Variants in MKLN1 observed in about 807,000 individuals in gnomAD.
MKLN1 encodes muskelin 1.
In MKLN1, 18 loss-of-function variants were observed where a neutral mutation model predicts 99.0. That is an observed-to-expected ratio of 0.18 (90% CI 0.13 to 0.27). The LOEUF (loss-of-function observed/expected upper bound fraction) is 0.27, where lower values mean the gene tolerates loss of function less well. Among genes scored for constraint, MKLN1 ranks in the 10% least tolerant of loss-of-function variants. The probability of loss-of-function intolerance (pLI) is 1.00; values close to 1 mark genes in which losing one functional copy is unlikely to be tolerated. For synonymous variants in MKLN1, 288 were observed against 293.2 expected (o/e 0.98, Z 0.18); for missense variants, 621 against 875.9 (o/e 0.71, Z 3.67).
intron 2 of MKLN1, among the ~76,000 whole-genome samples, chr7:131,379,661 A>G (rs949290038): frequency 3.3e-5 from 5 of 152,222 alleles, no homozygotes; most frequent in Non-Finnish European, 7.3e-5. Flanking sequence ...CAATAGGCTG[A>G]CTGTAGTCAA....
intron 1 of MKLN1, among the ~76,000 whole-genome samples, chr7:131,136,652 C>T (rs998270863): frequency 6.6e-6 from 1 of 152,282 alleles, no homozygotes; most frequent in Middle Eastern, 3.4e-3. Flanking sequence ...TTGGGGATGT[C>T]CAGGGCCCAG....
intron 2 of MKLN1, among the ~76,000 whole-genome samples, chr7:131,170,872 T>G (rs567210768): frequency 6.6e-6 from 1 of 152,334 alleles, no homozygotes; most frequent in South Asian, 2.1e-4. Context: ...TAGTACATTT[T>G]AATTTTTCCC....
intron 3 of MKLN1, among the ~76,000 whole-genome samples, chr7:131,292,109 A>G (rs1464772481): frequency 6.6e-6 from 1 of 152,182 alleles, no homozygotes; most frequent in Non-Finnish European, 1.5e-5. Flanking sequence ...CCTGTCTCTA[A>G]AATAAGAATA....
intron 5 of MKLN1, among the ~76,000 whole-genome samples, chr7:131,398,234 G>A (rs1242704519): frequency 6.6e-6 from 1 of 152,138 alleles, no homozygotes; most frequent in African/African-American, 2.4e-5. Flanking sequence ...ACATATTCCT[G>A]AAGTTGAGAT....
At chr7:131,137,777 G>T (rs1177005847) in intron 1 of MKLN1, among the ~76,000 whole-genome samples, 1 of 151,998 alleles carries the variant, frequency 6.6e-6, no homozygotes, top group African/African-American at 2.4e-5. Flanking sequence ...GTTTCACCAT[G>T]TTGGCCAGGC....
intron 7 of MKLN1, among the ~76,000 whole-genome samples, chr7:131,412,805 G>A (rs953749605): frequency 6.6e-6 from 1 of 152,048 alleles, no homozygotes; most frequent in Non-Finnish European, 1.5e-5. Context: ...TTTTCATTGT[G>A]GTCTTCATAT....
intron 1 of MKLN1, among the ~76,000 whole-genome samples, chr7:131,129,295 T>A (rs1795513525): frequency 1.3e-5 from 2 of 152,186 alleles, no homozygotes; most frequent in Admixed American, 1.3e-4. Context: ...TGAGAGCAAT[T>A]TGGTATTGTG....
At chr7:131,403,552 C>G (rs543919457) in intron 6 of MKLN1, among the ~76,000 whole-genome samples, 2 of 152,296 alleles carry the variant, frequency 1.3e-5, no homozygotes, top group South Asian at 4.1e-4. Flanking sequence ...CCTATCTTGG[C>G]CTTTGACATG....
Position 131,374,193 on chromosome 7 carries a change from T to C in MKLN1, c.99-1231T>C, listed in dbSNP as rs1407466488. On this transcript the variant is annotated intron_variant, in intron 1 of 17. Coordinates refer to ENST00000352689, the MANE Select transcript of MKLN1 (RefSeq NM_013255.5). ...GGTTAATCTTCTGTATTCCCTTACCTGGCTCTGGAATCAGCCATTTCTCCA... is the reference window on the plus strand; with the variant it reads ...GGTTAATCTTCTGTATTCCCTTACCCGGCTCTGGAATCAGCCATTTCTCCA... Among the ~76,000 whole-genome samples, 3 of 152,290 alleles carry C rather than the reference T, an allele frequency of 2.0e-5. No individual in the cohort carries two copies. The South Asian group carries it at 6.2e-4, about 32-fold the overall frequency.
intron 8 of MKLN1, among the ~76,000 whole-genome samples, chr7:131,422,479 A>G (rs537897068): frequency 6.6e-6 from 1 of 152,314 alleles, no homozygotes; most frequent in East Asian, 1.9e-4. Flanking sequence ...GCTTGAGCCC[A>G]GAAGTTCGAG....
At chr7:131,310,137 A>G (rs1798540198) in intron 3 of MKLN1, 1 of 152,216 alleles carries the variant, frequency 6.6e-6, no homozygotes, top group African/African-American at 2.4e-5. Context: ...GCTATAGGAT[A>G]TGGGTTATAA....
At chr7:131,385,696 A>G (rs1376271834) in intron 2 of MKLN1, among the ~76,000 whole-genome samples, 1 of 151,978 alleles carries the variant, frequency 6.6e-6, no homozygotes, top group Non-Finnish European at 1.5e-5. Flanking sequence ...CAGGTCCTTT[A>G]TCTGTTTTTA....
intron 9 of MKLN1, among the ~76,000 whole-genome samples, chr7:131,432,536 C>T (rs1276679756): frequency 6.6e-6 from 1 of 152,154 alleles, no homozygotes; most frequent in African/African-American, 2.4e-5. Flanking sequence ...AAACCTCCGC[C>T]TCCCGGGTTC....
intron 3 of MKLN1, among the ~76,000 whole-genome samples, chr7:131,270,564 T>C (rs911474652): frequency 2.0e-5 from 3 of 152,236 alleles, no homozygotes; most frequent in Non-Finnish European, 4.4e-5. Context: ...TTTCCTATTA[T>C]AATCCAAGTT....
At chr7:131,479,997 G>C (rs1055793951) in intron 17 of MKLN1, among the ~76,000 whole-genome samples, 2 of 149,132 alleles carry the variant, frequency 1.3e-5, no homozygotes, top group Admixed American at 6.6e-5. Flanking sequence ...CTCCAGCCTG[G>C]GCGACAGAGG....
At chr7:131,474,618 A>G (rs1689205619) in intron 16 of MKLN1, among the ~76,000 whole-genome samples, 1 of 152,248 alleles carries the variant, frequency 6.6e-6, no homozygotes, top group African/African-American at 2.4e-5. Context: ...GAGTTAGAAA[A>G]GAGGAACAAA....
Position 131,202,605 on chromosome 7 carries a change from T to G in MKLN1, c.-296-252T>G, listed in dbSNP as rs1351911176. 2.6e-5 allele frequency among the ~76,000 whole-genome samples: 4 copies of G among 152,140 alleles called. No homozygotes were observed. The East Asian group carries it at 7.7e-4, about 29-fold the overall frequency. ...GGGGACTGTCCTGGGCATTATAGGA[T>G]GTTCAACAGCAGCACTTGCCTCTTT... On this transcript the variant is annotated intron_variant, in intron 2 of 7. Transcript: ENST00000416992.
At chr7:131,352,685 C>T (rs1433420610) in intron 1 of MKLN1, among the ~76,000 whole-genome samples, 2 of 151,938 alleles carry the variant, frequency 1.3e-5, no homozygotes, top group Non-Finnish European at 2.9e-5. Context: ...ATTCTTTTTG[C>T]CGTTAGACTG....
chr7:131,384,722 CTG>C (rs1306402268), intron 2 of MKLN1, among the ~76,000 whole-genome samples: 1 of 152,158 alleles, frequency 6.6e-6, no homozygotes, highest in Non-Finnish European at 1.5e-5. Context: ...AGAGAGTAAC[CTG>C]TGTTCATATA....
Sources: gnomAD v4.1 joint callset for allele counts (sites outside exome capture counted in the v4.1 genomes callset) on GRCh38, gnomAD v4.1.1 for gene constraint, MANE v1.5 for transcripts, NCBI Gene and HGNC (gene_info 2026-07-23, HGNC 2026-07-21) for gene names.